Variants in TSPOAP1 observed in about 807,000 individuals in gnomAD.
The protein encoded by TSPOAP1 is peripheral-type benzodiazepine receptor-associated protein 1.
TSPOAP1 carries 87 observed loss-of-function variants against 197.0 expected under a neutral mutation model. That is an observed-to-expected ratio of 0.44 (90% confidence interval 0.37 to 0.53). The LOEUF (loss-of-function observed/expected upper bound fraction) is 0.53, where lower values mean the gene tolerates loss of function less well. TSPOAP1 is among the 20% of genes least tolerant of loss of function. The pLI, the probability that TSPOAP1 is intolerant of heterozygous loss-of-function variation, is 0.00. For missense variants in TSPOAP1, 2,174 were observed against 2,411.3 expected, an observed-to-expected ratio of 0.90 and a Z score of 2.06; for synonymous variants, 913 against 998.9, an observed-to-expected ratio of 0.91 and a Z score of 1.62.
In TSPOAP1 at chr17:58,324,160, C is replaced by A. The variant is rs571719456; in HGVS notation, c.943-615G>T. On this transcript the variant is annotated intron_variant, in intron 5 of 31. Transcript: ENST00000343736. The surrounding 1 kb of genome is among the most constrained non-coding windows in gnomAD (Gnocchi z 5.8). ...AAAATCTGAGCAAGAAGCCTCCCCC[C>A]ACCCGGAGGTCTTGGTCACTATCAG... 3.9e-5 allele frequency among the ~76,000 whole-genome samples: 6 copies of A among 152,238 alleles called. No individual in the cohort carries two copies. Among genetic ancestry groups the A allele is most frequent in the Non-Finnish European group, 7.3e-5 (5 of 68,036 alleles).
Position 58,304,300 on chromosome 17 carries a change from G to A in TSPOAP1, c.*32+38C>T, listed in dbSNP as rs1244646988. The A allele has an allele frequency of 4.5e-6, 7 of 1,551,920 alleles. No individual in the cohort carries two copies. Among genetic ancestry groups the A allele is most frequent in the Non-Finnish European group, 6.2e-6 (7 of 1,124,298 alleles). On this transcript the variant is annotated intron_variant, in intron 31 of 31. Transcript: ENST00000343736. This position sits in a 1 kb window ranked among gnomAD's most constrained non-coding sequence, Gnocchi z 4.2. ...GCACTGTCTGATTATGGTCAAGTGG[G>A]GGTGGACGGTCACACAGGGGGGCAG...
At chr17:58,325,121 A>G in intron 4 of TSPOAP1, 119 bp from the exon 5 acceptor site, 1 of 883,566 alleles carries the variant, frequency 1.1e-6, no homozygotes, top group Non-Finnish European at 1.7e-6. Context: ...GACTGTGCAC[A>G]CCCTCCCATG....
At position 58,304,273 on chromosome 17, in the gene TSPOAP1, G is replaced by T; in HGVS notation, c.*32+65C>A. 1 of 1,388,302 alleles carries T rather than the reference G, an allele frequency of 7.2e-7. No homozygotes were observed. The highest frequency in any genetic ancestry group is 1.2e-5 in the South Asian group (1 of 84,370). The allele number at this position is 1,388,302 out of a possible 1,614,324, so 86.0% of individuals were successfully genotyped here. A position where few individuals can be genotyped will look rare whatever the true frequency, so the allele number is the denominator to read the frequency against. On this transcript the variant is annotated intron_variant, in intron 31 of 31. Transcript: ENST00000343736. The surrounding 1 kb of genome is among the most constrained non-coding windows in gnomAD (Gnocchi z 4.2). ...GTCAGCTCCAGTATTTGAGACAAAG[G>T]AGCACTGTCTGATTATGGTCAAGTG...
chr17:58,319,965 A>G, intron 12 of TSPOAP1, 144 bp downstream of exon 12: 1 of 1,094,606 alleles, frequency 9.1e-7, no homozygotes, highest in East Asian at 2.5e-5. Context: ...TCCTGTGGGA[A>G]CTCCACCCCC....
chr17:58,308,050 A>C, intron 22 of TSPOAP1, 109 bp from the exon 23 acceptor site: 1 of 1,116,940 alleles, frequency 9.0e-7, no homozygotes, highest in Admixed American at 2.4e-5. Context: ...GCGCAGGAGC[A>C]CAGCATTCCT....
Position 58,326,221 on chromosome 17 carries a change from G to A in TSPOAP1, c.570+72C>T. 3.8e-6 allele frequency: 6 copies of A among 1,588,042 alleles called. No individual in the cohort carries two copies. The highest frequency in any genetic ancestry group is 2.2e-5 in the East Asian group (1 of 44,768). ...GACCGTGACTCCCAAGCTTCAGACAGCCCTCAGGCCCAGCCCTGGCTCCCC... is the reference window on the plus strand; with the variant it reads ...GACCGTGACTCCCAAGCTTCAGACAACCCTCAGGCCCAGCCCTGGCTCCCC... On this transcript the variant is annotated intron_variant, in intron 3 of 31. Coordinates refer to ENST00000343736, the MANE Select transcript of TSPOAP1 (RefSeq NM_004758.4). The surrounding 1 kb of genome is among the most constrained non-coding windows in gnomAD (Gnocchi z 4.7).
chr17:58,305,243 C>A, intron 29 of TSPOAP1, 72 bp from the exon 30 acceptor site: 1 of 1,490,434 alleles, frequency 6.7e-7, no homozygotes, highest in South Asian at 1.1e-5. Context: ...TCTGATGCCC[C>A]TGGGGAACAG....
rs745526040 is a variant in TSPOAP1 at position 58,309,422 on chromosome 17, G to A, written c.3892-42C>T. 5 of 1,562,278 alleles carry A rather than the reference G, an allele frequency of 3.2e-6. No individual in the cohort carries two copies. In the African/African-American group the frequency reaches 6.8e-5, roughly 21 times the overall value. The stretch of plus-strand genomic sequence containing the variant: ...GGTGGGAGTAGAACACAGCAGGGAA[G>A]AGAGATGCGTGGGGAAGAGGAGAGC... On this transcript the variant is annotated intron_variant, in intron 21 of 31. Coordinates refer to ENST00000343736, the MANE Select transcript of TSPOAP1 (RefSeq NM_004758.4). This position sits in a 1 kb window ranked among gnomAD's most constrained non-coding sequence, Gnocchi z 5.0.
Position 58,322,202 on chromosome 17 carries a change from C to T in TSPOAP1, c.1422+106G>A. The T allele has an allele frequency of 8.7e-7, 1 of 1,151,728 alleles. No individual in the cohort carries two copies. The highest frequency in any genetic ancestry group is 2.4e-5 in the East Asian group (1 of 42,086). 71.3% of individuals were successfully genotyped at this position (1,151,728 alleles called of 1,614,324 possible). On this transcript the variant is annotated intron_variant, in intron 10 of 31. Coordinates refer to ENST00000343736, the MANE Select transcript of TSPOAP1 (RefSeq NM_004758.4). The surrounding 1 kb of genome is among the most constrained non-coding windows in gnomAD (Gnocchi z 5.0). The stretch of plus-strand genomic sequence containing the variant: ...ACCTGGTCTTTGTTCCCCACAGTCT[C>T]CCCGACGCCTAGCACAGTGCCGGGC...
rs1396249173 is a variant in TSPOAP1, at chr17:58,305,605, G to A, written c.5296C>T (p.Pro1766Ser). The A allele has an allele frequency of 3.8e-6, 6 of 1,561,752 alleles. No individual in the cohort carries two copies. The Admixed American group carries it at 7.5e-5, about 19-fold the overall frequency. The change falls in exon 28 of 32, where the codon CCC becomes TCC. Residue 1766 changes from proline to serine, a missense_variant. Transcript: ENST00000343736. ...TCAAATGCAGCCACCATGGAGTGGG[G>A]AGCTTTCAGGTCAGCAGAGGGGACC... ...KLVPSADLKA[P>S]HSMVAAFDYN...
In TSPOAP1 at chr17:58,308,545, G is replaced by T. The variant is rs1970979197; in HGVS notation, c.4727C>A (p.Ser1576Tyr). Residue 1576 changes from serine (S) to tyrosine (Y), a missense_variant, in exon 22 of 32, where the codon TCC becomes TAC. Physicochemically the swap from Ser to Tyr is moderately radical, Grantham distance 144. Coordinates refer to ENST00000343736, the MANE Select transcript of TSPOAP1 (RefSeq NM_004758.4). The part of the protein sequence containing the change: ...SATGRAKEPL[S>Y]RATETGEARG... ...GGGCGGGGAGTGAGCACGGACCCGG[G>T]AGAGTGGCTCCTTGGCTCTGCCCGT... 9 of 1,526,396 alleles carry T rather than the reference G, an allele frequency of 5.9e-6. No individual in the cohort carries two copies. The highest frequency in any genetic ancestry group is 7.9e-6 in the Non-Finnish European group (9 of 1,136,042). The allele number at this position is 1,526,396 out of a possible 1,614,324, so 94.6% of individuals were successfully genotyped here.
chr17:58,312,478 T>A lies in TSPOAP1; in HGVS notation c.2343A>T (p.Ser781=). The A allele has an allele frequency of 6.2e-7, 1 of 1,609,028 alleles. No homozygotes were observed. The highest frequency in any genetic ancestry group is 8.5e-7 in the Non-Finnish European group (1 of 1,177,854). Residue 781 remains serine (S), a synonymous_variant, in exon 17 of 32, where the codon TCA becomes TCT. Transcript: ENST00000343736. ...CAGGAGGCTCGCCCAGGCCCTCCGG[T>A]GATGGGCTCAGACTGAGCTCGTCCC... is the stretch of plus-strand genomic sequence containing the variant. ...DAGDELSLSP[S]PEGLGEPPAV...
At chr17:58,305,266 C>T (rs752975910) in intron 29 of TSPOAP1, 95 bp from the exon 30 acceptor site, 5 of 1,494,140 alleles carry the variant, frequency 3.3e-6, no homozygotes, top group East Asian at 2.3e-5. Flanking sequence ...GGGGCCAAAA[C>T]CACTGTCCAG....
chr17:58,318,540 G>C, intron 13 of TSPOAP1, 88 bp from the exon 14 acceptor site: 1 of 1,315,046 alleles, frequency 7.6e-7, no homozygotes, highest in Non-Finnish European at 1.0e-6. Context: ...ATGGGGACCA[G>C]GCCCTCCATA....
chr17:58,305,257 G>T, intron 29 of TSPOAP1, 86 bp from the exon 30 acceptor site: 1 of 1,483,630 alleles, frequency 6.7e-7, no homozygotes, highest in South Asian at 1.1e-5. Flanking sequence ...GGAACAGCTG[G>T]GGCCAAAACC....
rs1409124032 is a variant in TSPOAP1 at position 58,305,135 on chromosome 17, T to A, written c.5470A>T (p.Asn1824Tyr). 1.9e-6 allele frequency: 3 copies of A among 1,613,928 alleles called. No individual in the cohort carries two copies. The highest frequency in any genetic ancestry group is 1.7e-5 in the Admixed American group (1 of 60,002). The change falls in exon 30 of 32, where the codon AAC becomes TAC. Residue 1824 changes from asparagine (N) to tyrosine (Y), a missense_variant. Transcript: ENST00000343736. ...TCAGGCCCAGGGCCCTCCAGGAAGTTGGATGGAACCAGGCCCCTTTGTCCA... is the reference window on the plus strand; with the variant it reads ...TCAGGCCCAGGGCCCTCCAGGAAGTAGGATGGAACCAGGCCCCTTTGTCCA... ...LNGQRGLVPS[N>Y]FLEGPGPEAG... is the part of the protein sequence containing the mutation.
At chr17:58,319,775 C>T (rs1219596553) in intron 12 of TSPOAP1, among the ~76,000 whole-genome samples, 5 of 152,206 alleles carry the variant, frequency 3.3e-5, no homozygotes, top group African/African-American at 9.6e-5. Context: ...GGCCAATGCC[C>T]GGGAAGTTTT....
rs545354200 is a variant in TSPOAP1 at position 58,322,618 on chromosome 17, G to T, written c.1317+36C>A. ...TGTCCCACTTGCTCCCCATGCCAGGGCCCAGCACCCTCTCCCACCTGCACC... is the reference window on the plus strand; with the variant it reads ...TGTCCCACTTGCTCCCCATGCCAGGTCCCAGCACCCTCTCCCACCTGCACC... On this transcript the variant is annotated intron_variant, in intron 9 of 31. Coordinates refer to ENST00000343736, the MANE Select transcript of TSPOAP1 (RefSeq NM_004758.4). The surrounding 1 kb of genome is among the most constrained non-coding windows in gnomAD (Gnocchi z 5.0). 25 of 1,603,714 alleles carry T rather than the reference G, an allele frequency of 1.6e-5. No individual in the cohort carries two copies. In the South Asian group the frequency reaches 2.2e-4, roughly 14 times the overall value.
Position 58,328,385 on chromosome 17 carries a change from T to G in TSPOAP1, c.-465A>C, listed in dbSNP as rs1971722260. 4.9e-6 allele frequency: 1 copy of G among 203,118 alleles called. No homozygotes were observed. Among genetic ancestry groups the G allele is most frequent in the African/African-American group, 2.3e-5 (1 of 43,424 alleles). The allele number at this position is 203,118 out of a possible 1,614,324, so 12.6% of individuals were successfully genotyped here. A position where few individuals can be genotyped will look rare whatever the true frequency, so the allele number is the denominator to read the frequency against. On this transcript the variant is annotated 5_prime_UTR_variant, in exon 1 of 32. Coordinates refer to ENST00000343736, the MANE Select transcript of TSPOAP1 (RefSeq NM_004758.4). This position sits in a 1 kb window ranked among gnomAD's most constrained non-coding sequence, Gnocchi z 4.3. ...ATTTCAGAGTTGCCAGTTGTTTGTGTGTGTGTGTGTGGGTGTCTGTATTGC... is the reference window on the plus strand; with the variant it reads ...ATTTCAGAGTTGCCAGTTGTTTGTGGGTGTGTGTGTGGGTGTCTGTATTGC...
Sources: gnomAD v4.1 joint callset for allele counts (sites outside exome capture counted in the v4.1 genomes callset) on GRCh38, gnomAD v4.1.1 for gene constraint, Gnocchi (gnomAD v3.1) non-coding constraint, MANE v1.5 for transcripts, NCBI Gene and HGNC (gene_info 2026-07-23, HGNC 2026-07-21) for gene names.